Variants in PDE1B observed in about 807,000 individuals in gnomAD.
PDE1B encodes the protein phosphodiesterase 1B.
A neutral mutation model predicts 66.7 loss-of-function variants in PDE1B; 13 were observed. That is an observed-to-expected ratio of 0.19 (90% CI 0.13 to 0.31). The LOEUF (loss-of-function observed/expected upper bound fraction) is 0.31, where lower values mean the gene tolerates loss of function less well. Ranked by LOEUF, PDE1B falls within the 10% of genes least tolerant of loss-of-function variation. The probability of loss-of-function intolerance (pLI) is 1.00; values close to 1 mark genes in which losing one functional copy is unlikely to be tolerated. For missense variants in PDE1B, 485 were observed against 682.3 expected, an observed-to-expected ratio of 0.71 and a Z score of 3.22; for synonymous variants, 230 against 253.9, an observed-to-expected ratio of 0.91 and a Z score of 0.90.
intron 2 of PDE1B, among the ~76,000 whole-genome samples, chr12:54,550,618 T>G (rs1014933930): frequency 2.8e-5 from 4 of 141,526 alleles, no homozygotes; most frequent in Non-Finnish European, 4.7e-5. Context: ...GGAGGGGGGG[T>G]TGGAGCCCCC....
At chr12:54,570,109 A>G (rs1299766488) in intron 5 of PDE1B, 132 bp from the exon 6 acceptor site, 1 of 661,742 alleles carries the variant, frequency 1.5e-6, no homozygotes, top group South Asian at 1.7e-5. Context: ...ATATGGGAAG[A>G]AAGAGGCACA....
chr12:54,563,412 G>C (rs563147434), intron 2 of PDE1B, among the ~76,000 whole-genome samples: 1 of 152,352 alleles, frequency 6.6e-6, no homozygotes, highest in South Asian at 2.1e-4. Context: ...CCTTAGACAA[G>C]TCACTTAACC....
chr12:54,577,342 C>T lies in PDE1B; in HGVS notation c.*14C>T, dbSNP rs1160517294. 3.1e-6 allele frequency: 5 copies of T among 1,613,602 alleles called. No homozygotes were observed. Among genetic ancestry groups the T allele is most frequent in the Non-Finnish European group, 4.2e-6 (5 of 1,179,816 alleles). ...AATCTGGATTAGCCCTGGGGCTGGC[C>T]CAGGTGAGCCTGTTGTGGTGGAGGG... On this transcript the variant is annotated 3_prime_UTR_variant, in exon 15 of 16. Coordinates refer to ENST00000243052, the MANE Select transcript of PDE1B (RefSeq NM_000924.4).
rs996215379 is a variant in PDE1B at position 54,557,373 on chromosome 12, A to G, written c.113+7388A>G. Among the ~76,000 whole-genome samples the G allele has an allele frequency of 2.6e-5, 4 of 152,194 alleles. No individual in the cohort carries two copies. In the East Asian group the frequency reaches 5.8e-4, roughly 22 times the overall value. ...GGTTAGACTGTGGCCTTTCTCTGAT[A>G]AAGAAAAAATCTACCCTTCTCCTCT... On this transcript the variant is annotated intron_variant, in intron 2 of 15. Transcript: ENST00000243052.
chr12:54,561,929 T>A (rs546947844), intron 2 of PDE1B, among the ~76,000 whole-genome samples: 1 of 152,332 alleles, frequency 6.6e-6, no homozygotes, highest in South Asian at 2.1e-4. Flanking sequence ...CTCTCCTTCC[T>A]GACTGCCAAC....
At chr12:54,567,552 A>G (rs1410073799) in intron 3 of PDE1B, among the ~76,000 whole-genome samples, 1 of 151,860 alleles carries the variant, frequency 6.6e-6, no homozygotes, top group Non-Finnish European at 1.5e-5. Context: ...AAAGAGCTCC[A>G]GGTATCCAGG....
At chr12:54,564,356 G>A (rs531756135) in intron 2 of PDE1B, among the ~76,000 whole-genome samples, 29 of 151,580 alleles carry the variant, frequency 1.9e-4, no homozygotes, top group Non-Finnish European at 3.8e-4. Context: ...AGCAGGCCGG[G>A]TGCAGTGGCT....
chr12:54,573,870 AGTGT>A lies in PDE1B; in HGVS notation c.1064+200_1064+203del, dbSNP rs1555175896. On this transcript the variant is annotated intron_variant, in intron 10 of 15. Transcript: ENST00000243052. The surrounding 1 kb of genome is among the most constrained non-coding windows in gnomAD (Gnocchi z 5.2). ...GCATCTCTATGTGAGAGAGAGAGAG[AGTGT>A]GTGTGTGTGTGTGTGTGTGTGTGTG... 31,050 of 477,266 alleles carry A rather than the reference AGTGT, an allele frequency of 0.065. 20 individuals are homozygous for A. Among genetic ancestry groups the A allele is most frequent in the Middle Eastern group, 0.097 (174 of 1,788 alleles). 29.6% of individuals were successfully genotyped at this position (477,266 alleles called of 1,614,324 possible). A position where few individuals can be genotyped will look rare whatever the true frequency, so the allele number is the denominator to read the frequency against.
chr12:54,572,515 C>G, intron 6 of PDE1B, 86 bp from the exon 7 acceptor site: 2 of 1,324,634 alleles, frequency 1.5e-6, no homozygotes, highest in Non-Finnish European at 2.2e-6. Flanking sequence ...ACACTGCCTT[C>G]TAAAGAAAGT....
At chr12:54,576,384 T>G in intron 13 of PDE1B, 187 bp from the exon 14 acceptor site, 1 of 648,926 alleles carries the variant, frequency 1.5e-6, no homozygotes. Flanking sequence ...AGGGAAGATG[T>G]GGAGAGGGAG....
intron 6 of PDE1B, chr12:54,571,367 T>G (rs1485974962): frequency 6.6e-6 from 1 of 152,238 alleles, no homozygotes; most frequent in Non-Finnish European, 1.5e-5. Context: ...TTTCCAATCC[T>G]GCCCTCTCCA....
chr12:54,563,841 G>A (rs1957465306), intron 2 of PDE1B, among the ~76,000 whole-genome samples: 1 of 152,034 alleles, frequency 6.6e-6, no homozygotes. Context: ...AATAATCTGG[G>A]GTGTTTTTTA....
At chr12:54,553,759 T>C (rs1957309438) in intron 2 of PDE1B, among the ~76,000 whole-genome samples, 1 of 151,954 alleles carries the variant, frequency 6.6e-6, no homozygotes, top group Admixed American at 6.6e-5. Flanking sequence ...AGGGTGATGC[T>C]TAAAAGATAT....
chr12:54,570,383 C>T (rs1166137165), intron 6 of PDE1B, 26 bp downstream of exon 6: 1 of 1,297,040 alleles, frequency 7.7e-7, no homozygotes, highest in Admixed American at 1.7e-5. Flanking sequence ...ACCTCTACCT[C>T]CAGGCAGGAT....
intron 3 of PDE1B, 52 bp downstream of exon 3, chr12:54,567,139 CAG>C (rs771274035): frequency 3.2e-6 from 3 of 938,888 alleles, no homozygotes; most frequent in Non-Finnish European, 5.1e-6. Context: ...CATAGTGTTC[CAG>C]AGAGAGGGGT....
intron 2 of PDE1B, among the ~76,000 whole-genome samples, chr12:54,560,918 G>T (rs1271312095): frequency 6.6e-6 from 1 of 152,008 alleles, no homozygotes; most frequent in African/African-American, 2.4e-5. Context: ...CTTGCGGGTG[G>T]AGGGCCCTTC....
At chr12:54,567,608 T>TG (rs1957538895) in intron 3 of PDE1B, among the ~76,000 whole-genome samples, 1 of 151,908 alleles carries the variant, frequency 6.6e-6, no homozygotes, top group African/African-American at 2.4e-5. Flanking sequence ...GACATAGAGA[T>TG]GCAGAGATAG....
At chr12:54,551,833 A>G (rs1406444267) in intron 2 of PDE1B, among the ~76,000 whole-genome samples, 1 of 152,232 alleles carries the variant, frequency 6.6e-6, no homozygotes, top group Non-Finnish European at 1.5e-5. Context: ...CTGTCTCTCC[A>G]GAGTGCCTTA....
Position 54,573,732 on chromosome 12 carries a change from TG to T in PDE1B, c.1064+27del, listed in dbSNP as rs767460434. Reference sequence around the variant, plus strand: ...GAGGTGGCATCTGGTGGGGTGTGGCTGGGGCCAGGCCAGAGGGAGGGGTGTG... The same window carrying T: ...GAGGTGGCATCTGGTGGGGTGTGGCTGGGCCAGGCCAGAGGGAGGGGTGTG... On this transcript the variant is annotated intron_variant, in intron 10 of 15. Coordinates refer to ENST00000243052, the MANE Select transcript of PDE1B (RefSeq NM_000924.4). The surrounding 1 kb of genome is among the most constrained non-coding windows in gnomAD (Gnocchi z 5.2). 3.2e-5 allele frequency: 50 copies of T among 1,577,790 alleles called. 1 individual carries two copies. The Admixed American group carries it at 5.8e-4, about 18-fold the overall frequency.
Sources: gnomAD v4.1 joint callset for allele counts (sites outside exome capture counted in the v4.1 genomes callset) on GRCh38, gnomAD v4.1.1 for gene constraint, Gnocchi (gnomAD v3.1) non-coding constraint, MANE v1.5 for transcripts, NCBI Gene and HGNC (gene_info 2026-07-23, HGNC 2026-07-21) for gene names.